NTN1: variants seen among roughly 807,000 people sequenced by gnomAD.
The protein encoded by NTN1 is netrin 1, also known as netrin-1.
In NTN1, 11 loss-of-function variants were observed where a neutral mutation model predicts 54.2. The observed-to-expected ratio is 0.20, with a 90% CI of 0.13 to 0.34. NTN1 has a LOEUF of 0.34. NTN1 is among the 10% of genes least tolerant of loss of function. NTN1 has a pLI of 1.00. For missense variants in NTN1, 740 were observed against 893.1 expected (o/e 0.83, Z 2.18); for synonymous variants, 371 against 382.0 (o/e 0.97, Z 0.33).
chr17:9,243,733 T>A lies in NTN1; in HGVS notation c.*3765T>A, dbSNP rs1435889034. 1 of 152,278 alleles carries A rather than the reference T, an allele frequency of 6.6e-6. No homozygotes were observed. Among genetic ancestry groups the A allele is most frequent in the Non-Finnish European group, 1.5e-5 (1 of 68,064 alleles). The allele number at this position is 152,278 out of a possible 1,614,324, so 9.4% of individuals were successfully genotyped here. A position where few individuals can be genotyped will look rare whatever the true frequency, so the allele number is the denominator to read the frequency against. On this transcript the variant is annotated 3_prime_UTR_variant, in exon 7 of 7. Coordinates refer to ENST00000173229, the MANE Select transcript of NTN1 (RefSeq NM_004822.3). ...TGCCCCCTCCTGTGTTTTGGATTTC[T>A]GTTCACTCAGAATTGTAAATGTTTA...
intron 3 of NTN1, among the ~76,000 whole-genome samples, chr17:9,170,795 C>T (rs2092385239): frequency 6.6e-6 from 1 of 152,040 alleles, no homozygotes; most frequent in Non-Finnish European, 1.5e-5. Context: ...GGCACAGACA[C>T]AGGACCCAGG....
chr17:9,194,506 G>A (rs978115112), intron 5 of NTN1, among the ~76,000 whole-genome samples: 3 of 152,186 alleles, frequency 2.0e-5, no homozygotes, highest in Non-Finnish European at 2.9e-5. Flanking sequence ...TGTTTAAACC[G>A]TGGGATTCTC....
chr17:9,011,134 G>C, the NTN1 span, among the ~76,000 whole-genome samples: 4 of 152,194 alleles, frequency 2.6e-5, no homozygotes, highest in African/African-American at 4.8e-5. Flanking sequence ...AGGAGGCAGA[G>C]CTCAGGTGGT....
chr17:9,228,820 C>CTCTGTG (rs1555579154), intron 6 of NTN1, among the ~76,000 whole-genome samples: 5 of 141,408 alleles, frequency 3.5e-5, no homozygotes, highest in African/African-American at 1.3e-4. Flanking sequence ...ATCTGTTCAG[C>CTCTGTG]TGTGTGTGTG....
chr17:9,126,520 A>G (rs548758486), intron 2 of NTN1, among the ~76,000 whole-genome samples: 1 of 132,634 alleles, frequency 7.5e-6, no homozygotes, highest in South Asian at 2.4e-4. Flanking sequence ...TCAAGAAAAA[A>G]GAGAGAGAGA....
At chr17:9,040,971 G>C (rs542996258) in intron 2 of NTN1, among the ~76,000 whole-genome samples, 1 of 152,146 alleles carries the variant, frequency 6.6e-6, no homozygotes, top group South Asian at 2.1e-4. Context: ...ACCATGCCCA[G>C]CTAATTTTTT....
intron 4 of NTN1, among the ~76,000 whole-genome samples, chr17:9,181,000 C>T (rs762088379): frequency 3.3e-5 from 5 of 152,148 alleles, no homozygotes; most frequent in Non-Finnish European, 5.9e-5. Flanking sequence ...TGAGGTCTCC[C>T]GTCAGGGAAT....
chr17:9,199,421 C>T (rs1904723742), intron 5 of NTN1, among the ~76,000 whole-genome samples: 1 of 152,268 alleles, frequency 6.6e-6, no homozygotes, highest in Non-Finnish European at 1.5e-5. Flanking sequence ...GGATTACAGG[C>T]ATGAGCCATT....
chr17:9,199,283 C>G (rs1047683173), intron 5 of NTN1, among the ~76,000 whole-genome samples: 1 of 152,224 alleles, frequency 6.6e-6, no homozygotes, highest in African/African-American at 2.4e-5. Context: ...GCTGGGATTA[C>G]AGGCACCCAC....
intron 3 of NTN1, chr17:9,179,241 G>A (rs2092410699): frequency 6.6e-6 from 1 of 152,626 alleles, no homozygotes; most frequent in Admixed American, 6.5e-5. Flanking sequence ...AAGGCTGCCT[G>A]GCTGCAAAGT....
intron 2 of NTN1, among the ~76,000 whole-genome samples, chr17:9,035,513 T>A (rs2091900905): frequency 6.6e-6 from 1 of 152,196 alleles, no homozygotes; most frequent in South Asian, 2.1e-4. Flanking sequence ...TGAATGCACT[T>A]CTGCTGGGTG....
At chr17:9,005,725 T>A in the NTN1 span, among the ~76,000 whole-genome samples, 1 of 152,218 alleles carries the variant, frequency 6.6e-6, no homozygotes, top group Non-Finnish European at 1.5e-5. Context: ...GGGTGAGGTC[T>A]ATTTCTAGGA....
intron 2 of NTN1, among the ~76,000 whole-genome samples, chr17:9,156,165 A>G (rs2092341405): frequency 6.6e-6 from 1 of 151,680 alleles, no homozygotes; most frequent in Non-Finnish European, 1.5e-5. Flanking sequence ...CAGATCTGAG[A>G]GCAGTACCTG....
At chr17:9,168,560 A>G (rs8071410) in intron 3 of NTN1, among the ~76,000 whole-genome samples, 1,800 of 152,214 alleles carry the variant, frequency 0.012, 42 homozygotes, top group African/African-American at 0.04. Context: ...TTACTGGGCA[A>G]GGCTGGGAGC....
chr17:9,083,697 G>C (rs774087771), intron 2 of NTN1, among the ~76,000 whole-genome samples: 24 of 152,194 alleles, frequency 1.6e-4, no homozygotes, highest in Non-Finnish European at 3.2e-4. Flanking sequence ...ACCAAAGGAT[G>C]ATATTGAGAC....
At chr17:9,179,486 G>A (rs1206429835) in intron 3 of NTN1, among the ~76,000 whole-genome samples, 2 of 152,246 alleles carry the variant, frequency 1.3e-5, no homozygotes, top group African/African-American at 4.8e-5. Context: ...GGCGTGATGA[G>A]GGCTACGGGC....
chr17:9,068,245 G>A (rs185275004), intron 2 of NTN1, among the ~76,000 whole-genome samples: 38 of 152,170 alleles, frequency 2.5e-4, no homozygotes, highest in African/African-American at 8.2e-4. Flanking sequence ...ACAGTGGTGC[G>A]ATCACAGCTC....
At chr17:9,081,897 C>T (rs1299610180) in intron 2 of NTN1, among the ~76,000 whole-genome samples, 5 of 152,188 alleles carry the variant, frequency 3.3e-5, no homozygotes, top group Non-Finnish European at 7.3e-5. Context: ...CTTCCATTTG[C>T]CAACTTGCTG....
chr17:9,009,972 C>G, the NTN1 span, among the ~76,000 whole-genome samples: 1 of 152,180 alleles, frequency 6.6e-6, no homozygotes, highest in African/African-American at 2.4e-5. Context: ...GAGATACTCT[C>G]TAAGGGCCGC....
Sources: allele counts gnomAD v4.1 joint callset (sites outside exome capture counted in the v4.1 genomes callset), GRCh38; gene constraint gnomAD v4.1.1; transcripts MANE v1.5; gene names NCBI Gene and HGNC (gene_info 2026-07-23, HGNC 2026-07-21).